SGK3: variants seen among roughly 807,000 people sequenced by gnomAD.
The protein encoded by SGK3 is serum/glucocorticoid regulated kinase family member 3.
A neutral mutation model predicts 68.5 loss-of-function variants in SGK3; 47 were observed. The observed-to-expected ratio is 0.69, with a 90% confidence interval of 0.54 to 0.87. The LOEUF (loss-of-function observed/expected upper bound fraction) is 0.87, where lower values mean the gene tolerates loss of function less well. Ranked by LOEUF, SGK3 falls within the 40% of genes least tolerant of loss-of-function variation. SGK3 has a pLI of 0.00. For synonymous variants in SGK3, 181 were observed against 189.1 expected (o/e 0.96, Z 0.35); for missense variants, 479 against 575.5 (o/e 0.83, Z 1.72).
In SGK3 at chr8:66,822,366, T is replaced by C; in HGVS notation, c.330-6T>C. On this transcript the variant is annotated splice_polypyrimidine_tract_variant and splice_region_variant and intron_variant, in intron 5 of 16. Coordinates refer to ENST00000521198, the MANE Select transcript of SGK3 (RefSeq NM_001033578.3). ...AAGTTATAATAAAGTTAATTTTTGT[T>C]TTTAGTCCAGATGTCAGAGCATTCC... The C allele has an allele frequency of 6.3e-7, 1 of 1,598,684 alleles. No homozygotes were observed. The highest frequency in any genetic ancestry group is 1.3e-5 in the African/African-American group (1 of 74,548).
At chr8:66,721,956 C>T (rs1021071152) in intron 1 of SGK3, among the ~76,000 whole-genome samples, 1 of 152,136 alleles carries the variant, frequency 6.6e-6, no homozygotes, top group Non-Finnish European at 1.5e-5. Flanking sequence ...TCAGGATTCC[C>T]AACCACTTCC....
At chr8:66,742,006 C>T (rs11991125) in intron 1 of SGK3, among the ~76,000 whole-genome samples, 2,609 of 152,288 alleles carry the variant, frequency 0.017, 74 homozygotes, top group African/African-American at 0.058. Context: ...AACACAGTGA[C>T]GTCTAGTTTG....
intron 1 of SGK3, among the ~76,000 whole-genome samples, chr8:66,783,184 T>C (rs1168173917): frequency 6.6e-6 from 1 of 152,256 alleles, no homozygotes; most frequent in Non-Finnish European, 1.5e-5. Flanking sequence ...AAGTATGTAA[T>C]GGTATCTCAT....
intron 2 of SGK3, among the ~76,000 whole-genome samples, chr8:66,797,896 A>G (rs1386975005): frequency 6.6e-6 from 1 of 152,254 alleles, no homozygotes. Flanking sequence ...TAATGAGCAC[A>G]TGAGTGTTGA....
intron 1 of SGK3, among the ~76,000 whole-genome samples, chr8:66,784,817 T>G (rs1807133609): frequency 6.6e-6 from 1 of 152,206 alleles, no homozygotes; most frequent in South Asian, 2.1e-4. Context: ...ATTGCTATTT[T>G]TTTACAGACC....
At chr8:66,828,309 G>GT (rs941380893) in intron 6 of SGK3, among the ~76,000 whole-genome samples, 2 of 152,226 alleles carry the variant, frequency 1.3e-5, no homozygotes, top group East Asian at 3.9e-4. Flanking sequence ...TTTTTAACCA[G>GT]TTTTTTAGAA....
chr8:66,741,301 A>G (rs766166917), intron 1 of SGK3, among the ~76,000 whole-genome samples: 3 of 152,034 alleles, frequency 2.0e-5, no homozygotes, highest in Non-Finnish European at 2.9e-5. Flanking sequence ...TGTAATTGCA[A>G]CACTTTGGGA....
At chr8:66,724,799 G>A (rs1169650830) in intron 1 of SGK3, among the ~76,000 whole-genome samples, 3 of 152,152 alleles carry the variant, frequency 2.0e-5, no homozygotes, top group Admixed American at 2.0e-4. Flanking sequence ...AGGGACTCTG[G>A]AAGGACACAT....
Position 66,839,851 on chromosome 8 carries a change from C to A in SGK3, c.742-152C>A, listed in dbSNP as rs1345119476. 5 of 651,526 alleles carry A rather than the reference C, an allele frequency of 7.7e-6. No individual in the cohort carries two copies. In the East Asian group the frequency reaches 8.8e-5, roughly 11 times the overall value. The allele number at this position is 651,526 out of a possible 1,614,324, so 40.4% of individuals were successfully genotyped here. On this transcript the variant is annotated intron_variant, in intron 10 of 16. Transcript: ENST00000521198. ...GGTGGGGACATGGATGAAGGGGAGT[C>A]ACATTTCTGTGCCTTGTTAACATTT...
chr8:66,744,070 A>C (rs989781773), intron 1 of SGK3, among the ~76,000 whole-genome samples: 1 of 152,154 alleles, frequency 6.6e-6, no homozygotes, highest in Non-Finnish European at 1.5e-5. Flanking sequence ...TACTTGTGGT[A>C]GATCACATAG....
chr8:66,763,744 A>G (rs571219504), intron 1 of SGK3, among the ~76,000 whole-genome samples: 201 of 152,282 alleles, frequency 1.3e-3, no homozygotes, highest in African/African-American at 4.7e-3. Flanking sequence ...GAAATTCAGT[A>G]CTACAGGTTT....
At chr8:66,811,316 C>T (rs192882064) in intron 4 of SGK3, among the ~76,000 whole-genome samples, 1 of 152,146 alleles carries the variant, frequency 6.6e-6, no homozygotes, top group Non-Finnish European at 1.5e-5. Flanking sequence ...CTGCACCCAG[C>T]CTTTTTAAAA....
intron 16 of SGK3, among the ~76,000 whole-genome samples, chr8:66,851,709 A>G (rs924056140): frequency 6.6e-6 from 1 of 152,206 alleles, no homozygotes; most frequent in Non-Finnish European, 1.5e-5. Context: ...GCAAAAAGCC[A>G]TATTAAAGAT....
intron 1 of SGK3, among the ~76,000 whole-genome samples, chr8:66,755,190 C>T (rs567874541): frequency 2.9e-4 from 41 of 142,924 alleles, no homozygotes; most frequent in African/African-American, 9.0e-4. Flanking sequence ...ACCCAGGAGG[C>T]GGAGGTTGCA....
chr8:66,809,697 A>G (rs375165131), intron 4 of SGK3, among the ~76,000 whole-genome samples: 1 of 152,246 alleles, frequency 6.6e-6, no homozygotes, highest in East Asian at 1.9e-4. Flanking sequence ...AATACTTCAT[A>G]GCAGAATCAC....
chr8:66,847,619 C>G (rs1401971049), intron 15 of SGK3, among the ~76,000 whole-genome samples: 1 of 152,136 alleles, frequency 6.6e-6, no homozygotes, highest in Non-Finnish European at 1.5e-5. Flanking sequence ...ATTACAAATT[C>G]CCCTCCCCTT....
At chr8:66,796,722 T>C (rs2130584930) in intron 2 of SGK3, among the ~76,000 whole-genome samples, 1 of 152,328 alleles carries the variant, frequency 6.6e-6, no homozygotes, top group Admixed American at 6.5e-5. Flanking sequence ...AATTATATTT[T>C]TATTTATCCA....
chr8:66,729,896 C>A (rs1420648971), intron 1 of SGK3, among the ~76,000 whole-genome samples: 2 of 152,032 alleles, frequency 1.3e-5, no homozygotes, highest in African/African-American at 4.8e-5. Flanking sequence ...TGGTGTGCAC[C>A]ACCACACCCA....
intron 1 of SGK3, among the ~76,000 whole-genome samples, chr8:66,763,932 C>T (rs1025471857): frequency 6.6e-6 from 1 of 152,144 alleles, no homozygotes; most frequent in Non-Finnish European, 1.5e-5. Context: ...TGCAGTGGCA[C>T]GATCTTAGCT....
Sources: gnomAD v4.1 joint callset for allele counts (sites outside exome capture counted in the v4.1 genomes callset) on GRCh38, gnomAD v4.1.1 for gene constraint, MANE v1.5 for transcripts, NCBI Gene and HGNC (gene_info 2026-07-23, HGNC 2026-07-21) for gene names.